Variants in GPC5 observed in about 807,000 individuals in gnomAD.
GPC5 encodes the protein glypican-5.
A neutral mutation model predicts 53.9 loss-of-function variants in GPC5; 47 were observed. That is an observed-to-expected ratio of 0.87 (90% confidence interval 0.69 to 1.11). The LOEUF is 1.11. Among genes scored for constraint, GPC5 ranks in the 50% most tolerant of loss-of-function variants. The pLI is 0.00. For synonymous variants in GPC5, 286 were observed against 263.3 expected (o/e 1.09, Z -0.84); for missense variants, 748 against 713.1 (o/e 1.05, Z -0.56).
intron 2 of GPC5, among the ~76,000 whole-genome samples, chr13:91,643,981 C>G (rs946080535): frequency 2.2e-4 from 6 of 27,476 alleles, no homozygotes; most frequent in African/African-American, 3.3e-4. Flanking sequence ...TATGTTAAGA[C>G]TTCAACATAT....
intron 7 of GPC5, among the ~76,000 whole-genome samples, chr13:92,862,928 A>C (rs1261488493): frequency 6.6e-6 from 1 of 152,140 alleles, no homozygotes; most frequent in African/African-American, 2.4e-5. Context: ...GAAAATACCC[A>C]CACTCTCCTG....
chr13:92,794,246 C>T (rs150174859), intron 7 of GPC5, among the ~76,000 whole-genome samples: 28 of 152,158 alleles, frequency 1.8e-4, no homozygotes, highest in Middle Eastern at 3.4e-3. Flanking sequence ...AATCAATAAA[C>T]GTAATCCATC....
intron 4 of GPC5, among the ~76,000 whole-genome samples, chr13:91,735,306 A>G (rs1312115498): frequency 6.6e-6 from 1 of 150,970 alleles, no homozygotes; most frequent in African/African-American, 2.5e-5. Context: ...TTCTGATCCA[A>G]TTTCCCCAAA....
intron 5 of GPC5, among the ~76,000 whole-genome samples, chr13:91,895,133 A>G (rs1594647348): frequency 6.6e-6 from 1 of 151,774 alleles, no homozygotes; most frequent in Non-Finnish European, 1.5e-5. Flanking sequence ...AAAGGCGAGC[A>G]TGGAAGCAGA....
At chr13:92,472,611 A>C (rs1005728869) in intron 7 of GPC5, among the ~76,000 whole-genome samples, 1 of 152,128 alleles carries the variant, frequency 6.6e-6, no homozygotes, top group Non-Finnish European at 1.5e-5. Flanking sequence ...GTAGTTTAAC[A>C]AATACTTAAT....
intron 1 of GPC5, among the ~76,000 whole-genome samples, chr13:91,443,470 A>G (rs1880583305): frequency 6.6e-6 from 1 of 152,196 alleles, no homozygotes; most frequent in African/African-American, 2.4e-5. Flanking sequence ...TTTAAGCTCC[A>G]GTCTGTAGTA....
intron 5 of GPC5, among the ~76,000 whole-genome samples, chr13:91,828,666 C>T (rs1444977321): frequency 6.6e-6 from 1 of 151,922 alleles, no homozygotes; most frequent in Non-Finnish European, 1.5e-5. Flanking sequence ...GTGGAAAGCA[C>T]CCAGGGGCCA....
At chr13:92,570,711 A>G (rs752613221) in intron 7 of GPC5, among the ~76,000 whole-genome samples, 15 of 152,188 alleles carry the variant, frequency 9.9e-5, no homozygotes, top group Middle Eastern at 3.2e-3. Flanking sequence ...TATACAACCA[A>G]CACAGCAGAA....
At chr13:91,763,025 G>A (rs1385050446) in intron 5 of GPC5, among the ~76,000 whole-genome samples, 2 of 152,104 alleles carry the variant, frequency 1.3e-5, no homozygotes, top group Admixed American at 1.3e-4. Flanking sequence ...TTATCTAAGA[G>A]TCTAAGAATG....
intron 7 of GPC5, among the ~76,000 whole-genome samples, chr13:92,389,166 A>G (rs949188077): frequency 1.3e-5 from 2 of 152,166 alleles, no homozygotes; most frequent in Non-Finnish European, 2.9e-5. Flanking sequence ...ACATGACCAC[A>G]TTTATACTGT....
intron 7 of GPC5, among the ~76,000 whole-genome samples, chr13:92,804,379 A>G (rs1877017855): frequency 6.6e-6 from 1 of 152,014 alleles, no homozygotes; most frequent in African/African-American, 2.4e-5. Flanking sequence ...CTAGACCACA[A>G]CAATAAAGCA....
chr13:91,572,001 A>C lies in GPC5; in HGVS notation c.326-121186A>C, dbSNP rs185740394. ...TATATGTATATATGTGTATATGTGT[A>C]TATATGCATATATGCATATACGTGT... On this transcript the variant is annotated intron_variant, in intron 2 of 7. Coordinates refer to ENST00000377067, the MANE Select transcript of GPC5 (RefSeq NM_004466.6). Among the ~76,000 whole-genome samples the C allele has an allele frequency of 2.1e-5, 3 of 143,996 alleles. No homozygotes were observed. In the East Asian group the frequency reaches 6.3e-4, roughly 30 times the overall value. The allele number at this position is 143,996 out of a possible 152,430, so 94.5% of individuals were successfully genotyped here.
intron 7 of GPC5, among the ~76,000 whole-genome samples, chr13:92,691,576 A>G (rs1055013343): frequency 6.6e-6 from 1 of 152,148 alleles, no homozygotes; most frequent in Non-Finnish European, 1.5e-5. Context: ...CTATTCGGCC[A>G]TCTTGGCTCC....
chr13:92,597,014 T>G (rs1883903487), intron 7 of GPC5, among the ~76,000 whole-genome samples: 1 of 152,174 alleles, frequency 6.6e-6, no homozygotes, highest in African/African-American at 2.4e-5. Flanking sequence ...TTGTTATTAA[T>G]TTCCCCCTCT....
chr13:91,845,482 G>C (rs886333136), intron 5 of GPC5, among the ~76,000 whole-genome samples: 1 of 152,046 alleles, frequency 6.6e-6, no homozygotes, highest in Non-Finnish European at 1.5e-5. Flanking sequence ...TTTTGTTGTT[G>C]TTAAGAACAC....
chr13:92,249,879 C>T (rs570921189), intron 7 of GPC5, among the ~76,000 whole-genome samples: 1 of 152,130 alleles, frequency 6.6e-6, no homozygotes, highest in South Asian at 2.1e-4. Flanking sequence ...CCATTTACCT[C>T]TCTTAGTTTC....
chr13:92,189,182 A>C (rs2042204905), intron 7 of GPC5, among the ~76,000 whole-genome samples: 1 of 152,182 alleles, frequency 6.6e-6, no homozygotes, highest in Non-Finnish European at 1.5e-5. Flanking sequence ...TCCAGCAGGA[A>C]GGGGAGAAAA....
chr13:91,948,200 C>T (rs1421860059), intron 6 of GPC5, among the ~76,000 whole-genome samples: 1 of 146,852 alleles, frequency 6.8e-6, no homozygotes, highest in African/African-American at 2.5e-5. Context: ...TGCATTCCAG[C>T]CTGGGCGACA....
chr13:91,697,412 A>G (rs1042117799), intron 3 of GPC5, among the ~76,000 whole-genome samples: 2 of 152,178 alleles, frequency 1.3e-5, no homozygotes, highest in Non-Finnish European at 1.5e-5. Context: ...AAGTGCTGGG[A>G]TTACAGGCAT....
Sources: allele counts gnomAD v4.1 joint callset (sites outside exome capture counted in the v4.1 genomes callset), GRCh38; gene constraint gnomAD v4.1.1; transcripts MANE v1.5; gene names NCBI Gene and HGNC (gene_info 2026-07-23, HGNC 2026-07-21).